The following RAB2A variants were observed in gnomAD, a reference collection of about 807,000 sequenced individuals.
RAB2A encodes ras-related protein Rab-2A.
RAB2A carries 7 observed loss-of-function variants against 32.5 expected under a neutral mutation model. The observed-to-expected ratio is 0.22, with a 90% CI of 0.12 to 0.40. The LOEUF is 0.40. RAB2A is among the 10% of genes least tolerant of loss of function. The pLI is 1.00. For missense variants in RAB2A, 108 were observed against 260.7 expected (o/e 0.41, Z 4.03); for synonymous variants, 79 against 85.2 (o/e 0.93, Z 0.40).
Position 60,622,178 on chromosome 8 carries a change from G to C in RAB2A, c.*1409G>C, listed in dbSNP as rs1197887464. The C allele has an allele frequency of 6.6e-6, 1 of 152,170 alleles. No homozygotes were observed. Among genetic ancestry groups the C allele is most frequent in the Non-Finnish European group, 1.5e-5 (1 of 68,038 alleles). The allele number at this position is 152,170 out of a possible 1,614,324, so 9.4% of individuals were successfully genotyped here. On this transcript the variant is annotated 3_prime_UTR_variant, in exon 8 of 8. Coordinates refer to ENST00000262646, the MANE Select transcript of RAB2A (RefSeq NM_002865.3). ...CATACTGAAATTATTTTTGTTGATG[G>C]TGTAAGCAGTGTAAGCAAGTGTTTT...
intron 6 of RAB2A, among the ~76,000 whole-genome samples, chr8:60,611,782 G>A (rs998052292): frequency 2.0e-5 from 3 of 152,030 alleles, no homozygotes; most frequent in Non-Finnish European, 2.9e-5. Flanking sequence ...TTTTCTTTAT[G>A]AGCTAAGTTT....
At chr8:60,602,484 T>C (rs896202742) in intron 6 of RAB2A, among the ~76,000 whole-genome samples, 1 of 152,236 alleles carries the variant, frequency 6.6e-6, no homozygotes, top group Non-Finnish European at 1.5e-5. Context: ...TTAGTTTATT[T>C]GGGATCAAGG....
intron 1 of RAB2A, among the ~76,000 whole-genome samples, chr8:60,518,676 C>A (rs142298204): frequency 1.5e-3 from 218 of 141,542 alleles, no homozygotes; most frequent in African/African-American, 5.6e-3. Flanking sequence ...CATGAGTTTT[C>A]AGCAAGGTTT....
chr8:60,522,977 A>G (rs1807324212), intron 1 of RAB2A, among the ~76,000 whole-genome samples: 1 of 152,174 alleles, frequency 6.6e-6, no homozygotes, highest in Admixed American at 6.5e-5. Context: ...TTTATTATAT[A>G]AGCAGATTTG....
At chr8:60,534,365 A>G (rs1807526486) in intron 1 of RAB2A, among the ~76,000 whole-genome samples, 1 of 152,128 alleles carries the variant, frequency 6.6e-6, no homozygotes, top group Non-Finnish European at 1.5e-5. Context: ...AGGCTGAGGT[A>G]GGAGGATTGC....
intron 1 of RAB2A, among the ~76,000 whole-genome samples, chr8:60,529,718 CTTGA>C (rs956750181): frequency 2.2e-4 from 34 of 152,148 alleles, no homozygotes; most frequent in African/African-American, 7.2e-4. Flanking sequence ...ATATTAATTG[CTTGA>C]TTATGTTCTG....
chr8:60,605,846 T>C (rs1216428858), intron 6 of RAB2A, among the ~76,000 whole-genome samples: 1 of 145,238 alleles, frequency 6.9e-6, no homozygotes, highest in African/African-American at 2.7e-5. Flanking sequence ...TATACATATA[T>C]ATATATAATG....
intron 5 of RAB2A, among the ~76,000 whole-genome samples, chr8:60,589,909 G>C (rs1231671162): frequency 1.3e-5 from 2 of 152,006 alleles, no homozygotes; most frequent in African/African-American, 4.8e-5. Context: ...CCATGAAACA[G>C]TAGATGGAAC....
intron 3 of RAB2A, among the ~76,000 whole-genome samples, chr8:60,575,349 C>T (rs1808256791): frequency 6.6e-6 from 1 of 152,030 alleles, no homozygotes; most frequent in South Asian, 2.1e-4. Flanking sequence ...TGACTTTCTT[C>T]TTACTTTCAT....
At chr8:60,595,802 A>G (rs576543791) in intron 6 of RAB2A, among the ~76,000 whole-genome samples, 1 of 152,332 alleles carries the variant, frequency 6.6e-6, no homozygotes, top group Non-Finnish European at 1.5e-5. Context: ...TGCTCACAGA[A>G]TATATACCAA....
intron 2 of RAB2A, among the ~76,000 whole-genome samples, chr8:60,569,603 C>T (rs1420206764): frequency 6.6e-6 from 1 of 152,154 alleles, no homozygotes; most frequent in Admixed American, 6.5e-5. Flanking sequence ...CTGGAGTTCC[C>T]AGGCTCAAGT....
At chr8:60,602,317 A>G (rs1804147657) in intron 6 of RAB2A, among the ~76,000 whole-genome samples, 1 of 152,182 alleles carries the variant, frequency 6.6e-6, no homozygotes, top group Non-Finnish European at 1.5e-5. Context: ...TGCCAGAAAT[A>G]TTTTTACCTA....
chr8:60,525,542 G>A (rs1420332785), intron 1 of RAB2A, among the ~76,000 whole-genome samples: 1 of 152,054 alleles, frequency 6.6e-6, no homozygotes, highest in Non-Finnish European at 1.5e-5. Context: ...GGGTGGTCTG[G>A]CTCCATTCCC....
chr8:60,600,226 G>A (rs1804110479), intron 6 of RAB2A, among the ~76,000 whole-genome samples: 1 of 152,154 alleles, frequency 6.6e-6, no homozygotes, highest in Admixed American at 6.5e-5. Flanking sequence ...AGCCAGGCCT[G>A]GTTGGTGTAA....
chr8:60,527,857 C>T (rs1346930978), intron 1 of RAB2A, among the ~76,000 whole-genome samples: 1 of 152,116 alleles, frequency 6.6e-6, no homozygotes, highest in Non-Finnish European at 1.5e-5. Flanking sequence ...AAATATACAA[C>T]TGCTTTTATA....
chr8:60,541,386 C>A (rs1323664485), intron 1 of RAB2A, among the ~76,000 whole-genome samples: 1 of 152,124 alleles, frequency 6.6e-6, no homozygotes, highest in Non-Finnish European at 1.5e-5. Context: ...AAAATTAGAA[C>A]TTTAAGGGAG....
intron 6 of RAB2A, among the ~76,000 whole-genome samples, chr8:60,608,238 A>C (rs1804269321): frequency 6.6e-6 from 1 of 152,222 alleles, no homozygotes; most frequent in South Asian, 2.1e-4. Flanking sequence ...TAATATGTAA[A>C]GGCTAGAAGA....
At chr8:60,535,400 G>C (rs569321816) in intron 1 of RAB2A, among the ~76,000 whole-genome samples, 93 of 152,236 alleles carry the variant, frequency 6.1e-4, no homozygotes, top group African/African-American at 2.1e-3. Flanking sequence ...CTATAAGCCT[G>C]TGTGTGTGTA....
chr8:60,562,914 G>A (rs1031670037), intron 2 of RAB2A, among the ~76,000 whole-genome samples: 8 of 151,956 alleles, frequency 5.3e-5, no homozygotes, highest in Non-Finnish European at 1.2e-4. Context: ...CTAAATACAG[G>A]CCAGTAGAAG....
Sources: gnomAD v4.1 joint callset for allele counts (sites outside exome capture counted in the v4.1 genomes callset) on GRCh38, gnomAD v4.1.1 for gene constraint, MANE v1.5 for transcripts, NCBI Gene and HGNC (gene_info 2026-07-23, HGNC 2026-07-21) for gene names.